The following MACROD2 variants were observed in gnomAD, a reference collection of about 807,000 sequenced individuals.
MACROD2 encodes mono-ADP ribosylhydrolase 2.
A neutral mutation model predicts 70.4 loss-of-function variants in MACROD2; 36 were observed. The ratio of observed to expected loss-of-function variants is 0.51; its 90% confidence interval spans 0.39 to 0.68. The LOEUF is 0.68. Among genes scored for constraint, MACROD2 ranks in the 30% least tolerant of loss-of-function variants. The probability of loss-of-function intolerance (pLI) is 0.00; values close to 1 mark genes in which losing one functional copy is unlikely to be tolerated. For synonymous variants in MACROD2, 172 were observed against 178.8 expected (o/e 0.96, Z 0.30); for missense variants, 496 against 538.4 (o/e 0.92, Z 0.78).
intron 3 of MACROD2, among the ~76,000 whole-genome samples, chr20:14,417,022 G>A (rs868241197): frequency 6.6e-6 from 1 of 151,626 alleles, no homozygotes; most frequent in Admixed American, 6.6e-5. Flanking sequence ...ACACACACAC[G>A]CTATCTATCT....
chr20:15,536,789 G>C (rs2047880730), intron 8 of MACROD2, among the ~76,000 whole-genome samples: 1 of 152,122 alleles, frequency 6.6e-6, no homozygotes, highest in East Asian at 1.9e-4. Context: ...TCCATCCTAA[G>C]ATATACTTCT....
chr20:14,829,588 G>A (rs550802891), intron 5 of MACROD2, among the ~76,000 whole-genome samples: 12 of 151,978 alleles, frequency 7.9e-5, no homozygotes, highest in African/African-American at 2.9e-4. Context: ...AAAAATGAGG[G>A]GACATTGGAG....
At chr20:15,510,798 C>T (rs1485856842) in intron 8 of MACROD2, among the ~76,000 whole-genome samples, 3 of 152,200 alleles carry the variant, frequency 2.0e-5, no homozygotes, top group Non-Finnish European at 4.4e-5. Flanking sequence ...TAACGGTGAG[C>T]CCAGTGACAG....
intron 3 of MACROD2, among the ~76,000 whole-genome samples, chr20:14,155,217 AAACAT>A (rs530841420): frequency 4.3e-4 from 65 of 152,352 alleles, no homozygotes; most frequent in South Asian, 6.2e-4. Flanking sequence ...AATATATATG[AAACAT>A]AACATAAGTG....
chr20:15,377,831 GACA>G (rs2045583462), intron 6 of MACROD2, among the ~76,000 whole-genome samples: 1 of 152,218 alleles, frequency 6.6e-6, no homozygotes, highest in African/African-American at 2.4e-5. Context: ...CACTGATGAT[GACA>G]ACGAGAACAG....
intron 5 of MACROD2, among the ~76,000 whole-genome samples, chr20:15,085,864 CACACACACA>C (rs1340999603): frequency 6.4e-5 from 8 of 124,300 alleles, no homozygotes; most frequent in African/African-American, 1.5e-4. Flanking sequence ...GAATAACACA[CACACACACA>C]ACACACACAC....
At chr20:15,396,310 G>A (rs190731958) in intron 6 of MACROD2, among the ~76,000 whole-genome samples, 156 of 152,306 alleles carry the variant, frequency 1.0e-3, no homozygotes, top group African/African-American at 3.7e-3. Context: ...GTAGCTCTAT[G>A]AGTCAGGTGC....
At chr20:14,412,913 G>A (rs1365517880) in intron 3 of MACROD2, among the ~76,000 whole-genome samples, 1 of 152,170 alleles carries the variant, frequency 6.6e-6, no homozygotes, top group African/African-American at 2.4e-5. Context: ...AAATGGATGT[G>A]CATAGCACAC....
chr20:14,414,785 C>T (rs1489344136), intron 3 of MACROD2, among the ~76,000 whole-genome samples: 1 of 152,124 alleles, frequency 6.6e-6, no homozygotes, highest in African/African-American at 2.4e-5. Flanking sequence ...GCTGGGAATC[C>T]TGTTTCCTCA....
At chr20:14,029,521 T>A (rs2053221239) in intron 2 of MACROD2, among the ~76,000 whole-genome samples, 1 of 152,198 alleles carries the variant, frequency 6.6e-6, no homozygotes, top group African/African-American at 2.4e-5. Flanking sequence ...TCAGTGACTT[T>A]AAGGGCTGAA....
At chr20:15,233,715 C>T (rs757068518) in intron 6 of MACROD2, among the ~76,000 whole-genome samples, 32 of 151,466 alleles carry the variant, frequency 2.1e-4, no homozygotes, top group Non-Finnish European at 2.5e-4. Flanking sequence ...GCTCATTTTA[C>T]GATGGCATTT....
chr20:14,455,870 T>C (rs2084296454), intron 3 of MACROD2, among the ~76,000 whole-genome samples: 2 of 151,944 alleles, frequency 1.3e-5, no homozygotes, highest in East Asian at 1.9e-4. Flanking sequence ...TAACTGTACA[T>C]ATTTTAACAC....
chr20:14,710,092 C>T (rs1164762158), intron 5 of MACROD2, among the ~76,000 whole-genome samples: 1 of 151,914 alleles, frequency 6.6e-6, no homozygotes, highest in Non-Finnish European at 1.5e-5. Flanking sequence ...AGAAGAAATC[C>T]AGGGACAGCA....
chr20:14,322,650 G>A (rs1249086406), intron 3 of MACROD2, among the ~76,000 whole-genome samples: 1 of 152,070 alleles, frequency 6.6e-6, no homozygotes, highest in African/African-American at 2.4e-5. Flanking sequence ...ACATTTTGAA[G>A]ACAGCAAACA....
intron 3 of MACROD2, among the ~76,000 whole-genome samples, chr20:14,459,967 C>T (rs1454648246): frequency 6.6e-6 from 1 of 152,028 alleles, no homozygotes; most frequent in East Asian, 1.9e-4. Context: ...TGAGTGAGAA[C>T]ATGTGGTGTT....
At chr20:14,263,165 T>C (rs2082114480) in intron 3 of MACROD2, among the ~76,000 whole-genome samples, 1 of 152,134 alleles carries the variant, frequency 6.6e-6, no homozygotes, top group Non-Finnish European at 1.5e-5. Flanking sequence ...AGGATACATA[T>C]GGACATGGAT....
At chr20:14,495,723 G>C (rs1438637146) in intron 4 of MACROD2, among the ~76,000 whole-genome samples, 1 of 152,052 alleles carries the variant, frequency 6.6e-6, no homozygotes, top group Non-Finnish European at 1.5e-5. Flanking sequence ...GAAGATTTAT[G>C]AATTTCTAGC....
chr20:15,748,639 C>A (rs1437192278), intron 8 of MACROD2, among the ~76,000 whole-genome samples: 1 of 152,102 alleles, frequency 6.6e-6, no homozygotes, highest in East Asian at 1.9e-4. Context: ...CCCATGTGTG[C>A]AGTATTGACC....
intron 5 of MACROD2, among the ~76,000 whole-genome samples, chr20:14,831,579 G>T (rs1486440490): frequency 1.3e-5 from 2 of 151,576 alleles, no homozygotes; most frequent in Non-Finnish European, 2.9e-5. Context: ...GGGAGTTTGA[G>T]ACCAGCCTGG....
Sources: allele counts gnomAD v4.1 joint callset (sites outside exome capture counted in the v4.1 genomes callset), GRCh38; gene constraint gnomAD v4.1.1; transcripts MANE v1.5; gene names NCBI Gene and HGNC (gene_info 2026-07-23, HGNC 2026-07-21).